Variants in ARID3B observed in about 807,000 individuals in gnomAD.
ARID3B encodes AT-rich interaction domain 3B, also known as AT-rich interactive domain-containing protein 3B.
Under a neutral mutation model 51.9 loss-of-function variants are expected in ARID3B, and 10 were observed. That is an observed-to-expected ratio of 0.19 (90% CI 0.12 to 0.33). The LOEUF (loss-of-function observed/expected upper bound fraction) is 0.33, where lower values mean the gene tolerates loss of function less well. ARID3B is among the 10% of genes least tolerant of loss of function. The pLI is 1.00. For missense variants in ARID3B, 483 were observed against 716.3 expected (o/e 0.67, Z 3.72); for synonymous variants, 205 against 279.5 (o/e 0.73, Z 2.66).
chr15:74,584,686 AC>A (rs1256529641), intron 4 of ARID3B, among the ~76,000 whole-genome samples: 1 of 151,908 alleles, frequency 6.6e-6, no homozygotes, highest in African/African-American at 2.4e-5. Flanking sequence ...TTCTGCCCTC[AC>A]CCCTATCCCC....
intron 1 of ARID3B, 93 bp from the exon 2 acceptor site, chr15:74,543,767 G>A (rs2061603114): frequency 1.3e-6 from 1 of 766,014 alleles, no homozygotes; most frequent in African/African-American, 1.7e-5. Flanking sequence ...CGGAACTCAT[G>A]GCCCTCTACT....
Position 74,591,684 on chromosome 15 carries a change from A to G in ARID3B, c.1290A>G (p.Ser430=). The G allele has an allele frequency of 1.2e-6, 2 of 1,611,942 alleles. No individual in the cohort carries two copies. The highest frequency in any genetic ancestry group is 1.7e-6 in the Non-Finnish European group (2 of 1,179,244). ...ALEQLRERLE[S]GEPAEKKASR... The stretch of plus-strand genomic sequence containing the variant: ...AGCAGCTGCGGGAGCGGCTGGAGTC[A>G]GGGGAGCCTGCTGAGAAGAAGGCAT... Residue 430 remains serine (S), a synonymous_variant, in exon 7 of 9, where the codon TCA becomes TCG. Transcript: ENST00000346246. The surrounding 1 kb of genome is among the most constrained non-coding windows in gnomAD (Gnocchi z 5.8).
chr15:74,561,371 A>G (rs1484187027), intron 2 of ARID3B, among the ~76,000 whole-genome samples: 1 of 152,216 alleles, frequency 6.6e-6, no homozygotes, highest in Non-Finnish European at 1.5e-5. Context: ...ATGTTTTATC[A>G]CATGGATAGC....
Position 74,597,608 on chromosome 15 carries a change from G to A in ARID3B, c.*1834G>A. 1 of 534,256 alleles carries A rather than the reference G, an allele frequency of 1.9e-6. No homozygotes were observed. The highest frequency in any genetic ancestry group is 3.6e-6 in the Non-Finnish European group (1 of 276,420). 33.1% of individuals were successfully genotyped at this position (534,256 alleles called of 1,614,324 possible). A position where few individuals can be genotyped will look rare whatever the true frequency, so the allele number is the denominator to read the frequency against. ...CAGAGAAGGGCATCTGGGACGTGGT[G>A]CCAGTGAGGAGCCCAGTTGGCTGGC... On this transcript the variant is annotated 3_prime_UTR_variant, in exon 9 of 9. Coordinates refer to ENST00000346246, the MANE Select transcript of ARID3B (RefSeq NM_006465.4).
At chr15:74,561,591 A>G (rs554322141) in intron 2 of ARID3B, among the ~76,000 whole-genome samples, 67 of 152,348 alleles carry the variant, frequency 4.4e-4, no homozygotes, top group African/African-American at 1.6e-3. Context: ...TCCCAACTCC[A>G]CCATTTGGTC....
Position 74,581,451 on chromosome 15 carries a change from T to G in ARID3B, c.697+8247T>G, listed in dbSNP as rs536666353. On this transcript the variant is annotated intron_variant, in intron 4 of 8. Coordinates refer to ENST00000346246, the MANE Select transcript of ARID3B (RefSeq NM_006465.4). ...TAAATGGTCTGTGCCCTGGACACCCTTCCTGGCAGACGAAAATATGTTGTC... is the reference window on the plus strand; with the variant it reads ...TAAATGGTCTGTGCCCTGGACACCCGTCCTGGCAGACGAAAATATGTTGTC... Among the ~76,000 whole-genome samples the G allele has an allele frequency of 3.2e-4, 49 of 152,370 alleles. 1 individual carries two copies. In the South Asian group the frequency reaches 9.9e-3, roughly 31 times the overall value.
intron 4 of ARID3B, among the ~76,000 whole-genome samples, chr15:74,585,531 A>G (rs1036361220): frequency 2.6e-5 from 4 of 152,252 alleles, no homozygotes; most frequent in Admixed American, 1.3e-4. Flanking sequence ...CCCTTTGGTA[A>G]TAATCACAAC....
At chr15:74,584,933 C>A (rs2061774806) in intron 4 of ARID3B, among the ~76,000 whole-genome samples, 1 of 152,224 alleles carries the variant, frequency 6.6e-6, no homozygotes. Flanking sequence ...GGCTCCCTGG[C>A]TGAAATCTGA....
chr15:74,593,072 T>A, intron 7 of ARID3B, 66 bp from the exon 8 acceptor site: 2 of 1,457,538 alleles, frequency 1.4e-6, no homozygotes, highest in Non-Finnish European at 1.9e-6. Context: ...CCAGGCAGCA[T>A]CAGAGAGGAC....
At chr15:74,588,050 G>A (rs963726859) in intron 4 of ARID3B, among the ~76,000 whole-genome samples, 1 of 152,080 alleles carries the variant, frequency 6.6e-6, no homozygotes, top group Admixed American at 6.6e-5. Flanking sequence ...AGACCAGCCT[G>A]GGCAACATAG....
At chr15:74,564,021 A>C (rs570549141) in intron 2 of ARID3B, among the ~76,000 whole-genome samples, 4 of 152,172 alleles carry the variant, frequency 2.6e-5, no homozygotes, top group African/African-American at 9.7e-5. Flanking sequence ...CTGAGTTTGA[A>C]TTGATCTCCG....
chr15:74,560,273 A>G (rs2061675259), intron 2 of ARID3B, among the ~76,000 whole-genome samples: 1 of 151,994 alleles, frequency 6.6e-6, no homozygotes, highest in Admixed American at 6.6e-5. Flanking sequence ...AGCAATTTAA[A>G]GTATTACTTT....
chr15:74,542,354 G>GT (rs1165983498), intron 1 of ARID3B, among the ~76,000 whole-genome samples: 1 of 152,156 alleles, frequency 6.6e-6, no homozygotes, highest in African/African-American at 2.4e-5. Flanking sequence ...TGCTGCAAGC[G>GT]TAACTCACAC....
intron 8 of ARID3B, 42 bp downstream of exon 8, chr15:74,593,278 C>G: frequency 3.2e-6 from 5 of 1,572,952 alleles, no homozygotes; most frequent in Non-Finnish European, 4.3e-6. Flanking sequence ...GTGGCCGCAG[C>G]TAGCCACAGG....
At chr15:74,565,867 A>G (rs954009901) in intron 2 of ARID3B, among the ~76,000 whole-genome samples, 1 of 152,030 alleles carries the variant, frequency 6.6e-6, no homozygotes, top group Non-Finnish European at 1.5e-5. Flanking sequence ...TCCTGCTGCC[A>G]GGTGCCATAA....
At chr15:74,573,017 G>C in intron 3 of ARID3B, 84 bp downstream of exon 3, 1 of 1,587,206 alleles carries the variant, frequency 6.3e-7, no homozygotes, top group Non-Finnish European at 8.7e-7. Context: ...TAAGGACCAA[G>C]GTAGCCAGTG....
chr15:74,544,633 T>A, intron 2 of ARID3B, 145 bp downstream of exon 2: 1 of 664,168 alleles, frequency 1.5e-6, no homozygotes. Flanking sequence ...AGACTTTGGA[T>A]TTTTTTCTTA....
At chr15:74,554,392 T>C (rs1364047165) in intron 2 of ARID3B, among the ~76,000 whole-genome samples, 3 of 152,006 alleles carry the variant, frequency 2.0e-5, no homozygotes, top group African/African-American at 4.8e-5. Context: ...AACCTCTGCC[T>C]CCCGGGCTCA....
At chr15:74,564,324 G>C (rs1003448077) in intron 2 of ARID3B, among the ~76,000 whole-genome samples, 3 of 152,164 alleles carry the variant, frequency 2.0e-5, no homozygotes, top group African/African-American at 7.2e-5. Context: ...TGGTATGAGG[G>C]CAAAGAGCAT....
Sources: allele counts gnomAD v4.1 joint callset (sites outside exome capture counted in the v4.1 genomes callset), GRCh38; gene constraint gnomAD v4.1.1; non-coding constraint Gnocchi (gnomAD v3.1); transcripts MANE v1.5; gene names NCBI Gene and HGNC (gene_info 2026-07-23, HGNC 2026-07-21).